The following TNNI3K variants were observed in gnomAD, a reference collection of about 807,000 sequenced individuals.
TNNI3K encodes TNNI3 interacting kinase, also known as serine/threonine-protein kinase TNNI3K.
TNNI3K carries 140 observed loss-of-function variants against 114.5 expected under a neutral mutation model. The observed-to-expected ratio is 1.22, with a 90% CI of 1.07 to 1.41. The LOEUF (loss-of-function observed/expected upper bound fraction) is 1.41, where lower values mean the gene tolerates loss of function less well. Among genes scored for constraint, TNNI3K ranks in the 40% most tolerant of loss-of-function variants. TNNI3K has a pLI of 0.00. For missense variants in TNNI3K, 1,125 were observed against 1,007.6 expected (o/e 1.12, Z -1.58); for synonymous variants, 347 against 347.5 (o/e 1.00, Z 0.02).
At chr1:74,431,114 G>C (rs1665877262) in intron 17 of TNNI3K, among the ~76,000 whole-genome samples, 1 of 152,064 alleles carries the variant, frequency 6.6e-6, no homozygotes, top group Non-Finnish European at 1.5e-5. Context: ...TTCAGAATTT[G>C]CCAAATTCCA....
chr1:74,394,765 C>A (rs1293557081), intron 17 of TNNI3K, among the ~76,000 whole-genome samples: 1 of 152,214 alleles, frequency 6.6e-6, no homozygotes, highest in Non-Finnish European at 1.5e-5. Context: ...AACACTTAGG[C>A]CGGGCGCAGT....
Position 74,250,765 on chromosome 1 carries a change from A to G in TNNI3K, c.329A>G (p.Tyr110Cys). The change falls in exon 4 of 25, where the codon TAC (tyrosine) becomes TGC (cysteine). Residue 110 changes from tyrosine (Y) to cysteine (C), a missense_variant. Coordinates refer to ENST00000326637, the MANE Select transcript of TNNI3K (RefSeq NM_015978.3). ...TTTACAGCCTTGCATTTAGCAGTTT[A>G]CAAGGTAGGACACTTTAATTCCCAT... ...NGFTALHLAV[Y>C]KDNAELITSL... 1.2e-6 allele frequency: 2 copies of G among 1,608,450 alleles called. No individual in the cohort carries two copies. The highest frequency in any genetic ancestry group is 1.7e-6 in the Non-Finnish European group (2 of 1,177,676).
chr1:74,242,135 C>G (rs895962783), intron 2 of TNNI3K, among the ~76,000 whole-genome samples: 1 of 152,066 alleles, frequency 6.6e-6, no homozygotes, highest in South Asian at 2.1e-4. Context: ...AAGCATGAGC[C>G]ACCGCGCCTG....
chr1:74,322,405 T>C (rs796443728), intron 5 of TNNI3K, among the ~76,000 whole-genome samples: 10 of 152,220 alleles, frequency 6.6e-5, no homozygotes, highest in African/African-American at 2.4e-4. Context: ...TGACCATTTC[T>C]TCTCATCTTT....
chr1:74,302,223 A>G (rs1207372693), intron 5 of TNNI3K, among the ~76,000 whole-genome samples: 3 of 152,244 alleles, frequency 2.0e-5, no homozygotes, highest in Non-Finnish European at 4.4e-5. Flanking sequence ...GTGCCCAGAC[A>G]AAACGGTGAA....
intron 21 of TNNI3K, chr1:74,481,103 G>A (rs936762652): frequency 8.8e-6 from 5 of 569,900 alleles, no homozygotes; most frequent in African/African-American, 3.7e-5. Context: ...TACAAAAAAT[G>A]AAAATGATTT....
intron 2 of TNNI3K, among the ~76,000 whole-genome samples, chr1:74,236,762 A>G (rs1426161985): frequency 1.3e-5 from 2 of 151,830 alleles, no homozygotes; most frequent in Non-Finnish European, 2.9e-5. Flanking sequence ...ATAACAAGAG[A>G]AAAATAATCT....
At chr1:74,325,934 A>G (rs1310557341) in intron 5 of TNNI3K, among the ~76,000 whole-genome samples, 2 of 152,152 alleles carry the variant, frequency 1.3e-5, no homozygotes, top group African/African-American at 4.8e-5. Context: ...ACTAATGCAG[A>G]TTTTTCCACT....
chr1:74,235,803 A>T (rs184247653), intron 1 of TNNI3K, among the ~76,000 whole-genome samples: 257 of 151,444 alleles, frequency 1.7e-3, no homozygotes, highest in African/African-American at 6.1e-3. Context: ...AAAACTAAAA[A>T]CCGTCTTGCA....
intron 5 of TNNI3K, among the ~76,000 whole-genome samples, chr1:74,306,522 G>A (rs1486471270): frequency 1.3e-5 from 2 of 152,050 alleles, no homozygotes; most frequent in Non-Finnish European, 2.9e-5. Context: ...CCTTTTCTCT[G>A]CGTCCATGCC....
At chr1:74,444,620 T>C (rs903326128) in intron 20 of TNNI3K, among the ~76,000 whole-genome samples, 1 of 152,110 alleles carries the variant, frequency 6.6e-6, no homozygotes, top group African/African-American at 2.4e-5. Flanking sequence ...AAGTAATTTA[T>C]AGATCCAATG....
At chr1:74,337,888 C>A (rs1660557257) in intron 7 of TNNI3K, among the ~76,000 whole-genome samples, 1 of 151,950 alleles carries the variant, frequency 6.6e-6, no homozygotes, top group Non-Finnish European at 1.5e-5. Context: ...GTAGTTTGTT[C>A]TTTTATATTG....
chr1:74,245,587 A>G (rs1046109756), intron 2 of TNNI3K, among the ~76,000 whole-genome samples: 3 of 152,204 alleles, frequency 2.0e-5, no homozygotes, highest in African/African-American at 4.8e-5. Context: ...GTTTCATATC[A>G]CTTGTAAAGT....
intron 5 of TNNI3K, among the ~76,000 whole-genome samples, chr1:74,303,972 A>G (rs1303019167): frequency 6.6e-6 from 1 of 152,224 alleles, no homozygotes; most frequent in Non-Finnish European, 1.5e-5. Context: ...GCCTGAAGGT[A>G]TGATTGAATT....
intron 20 of TNNI3K, among the ~76,000 whole-genome samples, chr1:74,451,935 GT>G (rs1004491982): frequency 1.1e-4 from 16 of 151,648 alleles, no homozygotes; most frequent in African/African-American, 3.9e-4. Flanking sequence ...GTTTTTGACT[GT>G]TCTTTCTTGG....
intron 2 of TNNI3K, chr1:74,239,992 A>G (rs768111514): frequency 4.3e-6 from 2 of 470,388 alleles, no homozygotes; most frequent in South Asian, 3.1e-5. Flanking sequence ...GAAGAAAAAG[A>G]GAAGGCAGGA....
At chr1:74,399,513 G>A (rs1036157538) in intron 17 of TNNI3K, among the ~76,000 whole-genome samples, 1 of 152,086 alleles carries the variant, frequency 6.6e-6, no homozygotes, top group Non-Finnish European at 1.5e-5. Context: ...CACCCATGCT[G>A]GGAAGGTCCC....
Position 74,396,556 on chromosome 1 carries a change from G to A in TNNI3K, c.1772+26164G>A, listed in dbSNP as rs1306503569. On this transcript the variant is annotated intron_variant, in intron 17 of 24. Coordinates refer to ENST00000326637, the MANE Select transcript of TNNI3K (RefSeq NM_015978.3). ...TGAATATTCTGTTTACTGGGGAAGA[G>A]GGGAATGATTAGAAGGACAGCCATG... 2.0e-5 allele frequency among the ~76,000 whole-genome samples: 3 copies of A among 152,316 alleles called. No homozygotes were observed. In the East Asian group the frequency reaches 5.8e-4, roughly 29 times the overall value.
At chr1:74,429,488 G>A (rs1665792603) in intron 17 of TNNI3K, among the ~76,000 whole-genome samples, 1 of 152,106 alleles carries the variant, frequency 6.6e-6, no homozygotes, top group Non-Finnish European at 1.5e-5. Flanking sequence ...ATCCCATTGA[G>A]TTTGGCAGTG....
Sources: gnomAD v4.1 joint callset for allele counts (sites outside exome capture counted in the v4.1 genomes callset) on GRCh38, gnomAD v4.1.1 for gene constraint, MANE v1.5 for transcripts, NCBI Gene and HGNC (gene_info 2026-07-23, HGNC 2026-07-21) for gene names.